RIPOR3: variants seen among roughly 807,000 people sequenced by gnomAD.
The protein encoded by RIPOR3 is family with sequence similarity 65 member C.
Under a neutral mutation model 114.3 loss-of-function variants are expected in RIPOR3, and 95 were observed. The ratio of observed to expected loss-of-function variants is 0.83; its 90% confidence interval spans 0.70 to 0.99. The LOEUF (loss-of-function observed/expected upper bound fraction) is 0.99, where lower values mean the gene tolerates loss of function less well. Ranked by LOEUF, RIPOR3 falls within the 50% of genes least tolerant of loss-of-function variation. The pLI is 0.00. For missense variants in RIPOR3, 1,252 were observed against 1,266.9 expected (o/e 0.99, Z 0.18); for synonymous variants, 575 against 543.8 (o/e 1.06, Z -0.80).
chr20:50,643,763 T>C (rs1266518172), intron 1 of RIPOR3, among the ~76,000 whole-genome samples: 2 of 145,824 alleles, frequency 1.4e-5, no homozygotes, highest in African/African-American at 5.1e-5. Flanking sequence ...TGGAGTGCAG[T>C]GGTGCAATCT....
chr20:50,651,276 C>T (rs1215326216), intron 1 of RIPOR3, among the ~76,000 whole-genome samples: 2 of 152,200 alleles, frequency 1.3e-5, no homozygotes, highest in East Asian at 1.9e-4. Flanking sequence ...CCACACGGAA[C>T]TGAATGACCT....
intron 1 of RIPOR3, among the ~76,000 whole-genome samples, chr20:50,656,403 G>A (rs960675315): frequency 2.6e-5 from 4 of 152,146 alleles, no homozygotes; most frequent in African/African-American, 9.7e-5. Flanking sequence ...ACAAGAGAAA[G>A]TATATATAGA....
chr20:50,660,781 G>T (rs1164518467), intron 1 of RIPOR3, among the ~76,000 whole-genome samples: 10 of 133,412 alleles, frequency 7.5e-5, no homozygotes, highest in Non-Finnish European at 7.8e-5. Context: ...TTGAGACAGG[G>T]TCTTGCTCTG....
intron 17 of RIPOR3, among the ~76,000 whole-genome samples, chr20:50,594,067 G>A (rs974070318): frequency 8.6e-5 from 13 of 151,966 alleles, no homozygotes; most frequent in Non-Finnish European, 1.9e-4. Context: ...TCAGGAGTTC[G>A]AGACCAGCCT....
At chr20:50,679,737 C>A (rs1381839156) in intron 1 of RIPOR3, among the ~76,000 whole-genome samples, 2 of 145,882 alleles carry the variant, frequency 1.4e-5, no homozygotes, top group South Asian at 4.7e-4. Flanking sequence ...CCACTGCACT[C>A]GGGCCTGGGC....
chr20:50,659,081 T>A (rs2123446805), intron 1 of RIPOR3, among the ~76,000 whole-genome samples: 1 of 152,308 alleles, frequency 6.6e-6, no homozygotes, highest in East Asian at 1.9e-4. Context: ...TCCAGACCGA[T>A]TAGTGACGTG....
At chr20:50,679,922 G>A (rs4811092) in intron 1 of RIPOR3, among the ~76,000 whole-genome samples, 124,549 of 152,094 alleles carry the variant, frequency 0.82, 51,789 homozygotes, top group East Asian at 0.96. Context: ...ACACCACTGC[G>A]CTCCAGCCTG....
At chr20:50,599,827 T>C (rs1401498675) in intron 13 of RIPOR3, among the ~76,000 whole-genome samples, 1 of 152,016 alleles carries the variant, frequency 6.6e-6, no homozygotes, top group Non-Finnish European at 1.5e-5. Flanking sequence ...GTAAGTAAAT[T>C]CCAAAATGCA....
At chr20:50,604,836 C>T (rs559977730) in intron 11 of RIPOR3, 62 bp from the exon 12 acceptor site, 47 of 1,584,176 alleles carry the variant, frequency 3.0e-5, no homozygotes, top group South Asian at 1.8e-4. Context: ...CAGGCCCAGA[C>T]GGCCCACAGG....
intron 1 of RIPOR3, among the ~76,000 whole-genome samples, chr20:50,635,235 C>G (rs2084943438): frequency 6.6e-6 from 1 of 152,208 alleles, no homozygotes; most frequent in Non-Finnish European, 1.5e-5. Context: ...ATGGGTGGCC[C>G]TGCCTCTGAC....
intron 1 of RIPOR3, among the ~76,000 whole-genome samples, chr20:50,638,980 G>A (rs939676686): frequency 1.3e-5 from 2 of 152,198 alleles, no homozygotes; most frequent in African/African-American, 2.4e-5. Context: ...AGTGGCTCAT[G>A]CCTATAATCC....
chr20:50,610,850 G>A lies in RIPOR3; in HGVS notation c.426+3C>T. 6.2e-7 allele frequency: 1 copy of A among 1,614,200 alleles called. No individual in the cohort carries two copies. The highest frequency in any genetic ancestry group is 8.5e-7 in the Non-Finnish European group (1 of 1,180,042). On this transcript the variant is annotated splice_donor_region_variant and intron_variant, in intron 6 of 21. Coordinates refer to ENST00000327979, the MANE Select transcript of RIPOR3 (RefSeq NM_001290268.2). ...ACCCTGCAACATCCACGAGCCAGCT[G>A]ACCTTGCTGATGTGAAACTCCATCT...
intron 1 of RIPOR3, among the ~76,000 whole-genome samples, chr20:50,668,460 T>C (rs1420783001): frequency 6.6e-6 from 1 of 152,104 alleles, no homozygotes; most frequent in Admixed American, 6.6e-5. Context: ...GGCCCCAACC[T>C]TTGCGCCTCC....
chr20:50,606,988 T>G (rs1003367924), intron 11 of RIPOR3, among the ~76,000 whole-genome samples: 1 of 152,118 alleles, frequency 6.6e-6, no homozygotes, highest in Non-Finnish European at 1.5e-5. Flanking sequence ...CCTACGCCTC[T>G]CAAAGTGCTG....
intron 19 of RIPOR3, among the ~76,000 whole-genome samples, chr20:50,591,114 CG>C (rs969789353): frequency 2.6e-5 from 4 of 151,880 alleles, no homozygotes; most frequent in African/African-American, 7.3e-5. Flanking sequence ...GAGAAAGAAA[CG>C]GGGAAAAAAA....
At chr20:50,617,225 A>G (rs2084209450) in intron 3 of RIPOR3, among the ~76,000 whole-genome samples, 1 of 152,092 alleles carries the variant, frequency 6.6e-6, no homozygotes, top group Non-Finnish European at 1.5e-5. Flanking sequence ...CATCCCAGGA[A>G]GGTCACTCAC....
In RIPOR3 at chr20:50,608,694, C is replaced by G. The variant is rs2083822493; in HGVS notation, c.729G>C (p.Arg243=). The G allele has an allele frequency of 1.2e-6, 2 of 1,613,932 alleles. No individual in the cohort carries two copies. Among genetic ancestry groups the G allele is most frequent in the African/African-American group, 1.3e-5 (1 of 74,924 alleles). ...LGRQRWKLKG[R]IESDDSQTWD... is the part of the protein sequence containing the mutation. ...AGGTCTGGCTGTCATCTGACTCGAT[C>G]CGACCCTTGAGCTTCCAACGCTGGC... Residue 243 remains arginine, a synonymous_variant, in exon 10 of 22, where the codon CGG becomes CGC. Coordinates refer to ENST00000327979, the MANE Select transcript of RIPOR3 (RefSeq NM_001290268.2).
At chr20:50,605,526 C>T (rs894894871) in intron 11 of RIPOR3, among the ~76,000 whole-genome samples, 2 of 152,190 alleles carry the variant, frequency 1.3e-5, no homozygotes, top group African/African-American at 2.4e-5. Context: ...CCCAACACTT[C>T]GGGAAGCCAA....
chr20:50,592,435 G>A lies in RIPOR3; in HGVS notation c.2486C>T (p.Ala829Val), dbSNP rs774955058. Residue 829 changes from alanine (A) to valine (V), a missense_variant, in exon 19 of 22, where the codon GCG (alanine) becomes GTG (valine). Physicochemically the swap from Ala to Val is moderately conservative, Grantham distance 64. Transcript: ENST00000327979. ...QPLPQTLRAW[A>V]LLQLDGTPRV... ...CGGAGTGCCGTCCAGCTGGAGCAGC[G>A]CCCAGGCTCTTAAGGTCTGGGGCAG... 21 of 1,612,406 alleles carry A rather than the reference G, an allele frequency of 1.3e-5. No individual in the cohort carries two copies. The highest frequency in any genetic ancestry group is 2.2e-5 in the South Asian group (2 of 90,966).
Sources: gnomAD v4.1 joint callset for allele counts (sites outside exome capture counted in the v4.1 genomes callset) on GRCh38, gnomAD v4.1.1 for gene constraint, MANE v1.5 for transcripts, NCBI Gene and HGNC (gene_info 2026-07-23, HGNC 2026-07-21) for gene names.